EEF1D: variants seen among roughly 807,000 people sequenced by gnomAD.
EEF1D encodes elongation factor 1-delta.
EEF1D carries 47 observed loss-of-function variants against 63.9 expected under a neutral mutation model. That is an observed-to-expected ratio of 0.74 (90% confidence interval 0.58 to 0.94). EEF1D has a LOEUF of 0.94. Ranked by LOEUF, EEF1D falls within the 40% of genes least tolerant of loss-of-function variation. EEF1D has a pLI of 0.00. For synonymous variants in EEF1D, 412 were observed against 386.1 expected (o/e 1.07, Z -0.79); for missense variants, 907 against 899.0 (o/e 1.01, Z -0.11).
rs749788307 is a variant in EEF1D at position 143,581,037 on chromosome 8, G to A, written c.1488+17C>T. ...CACGTGGTCCCCTGCAGTGTCAGGC[G>A]TGGGGAGAGCATTCACCTGGGTCTG... is the stretch of plus-strand genomic sequence containing the variant. On this transcript the variant is annotated intron_variant, in intron 7 of 9. Coordinates refer to ENST00000618139, the MANE Select transcript of EEF1D (RefSeq NM_001130053.5). 105 of 1,609,570 alleles carry A rather than the reference G, an allele frequency of 6.5e-5. No individual in the cohort carries two copies. Among genetic ancestry groups the A allele is most frequent in the Admixed American group, 3.0e-4 (18 of 59,964 alleles).
chr8:143,580,867 G>C, intron 7 of EEF1D, 140 bp from the exon 8 acceptor site: 1 of 1,182,004 alleles, frequency 8.5e-7, no homozygotes, highest in Non-Finnish European at 1.2e-6. Context: ...GTACATGCAG[G>C]GCCCCAGGAA....
At chr8:143,595,406 A>G (rs192080837) in intron 1 of EEF1D, among the ~76,000 whole-genome samples, 22 of 151,900 alleles carry the variant, frequency 1.4e-4, no homozygotes, top group African/African-American at 4.8e-4. Context: ...GGGTTTCACC[A>G]TGTTGGCCAG....
chr8:143,590,094 G>C lies in EEF1D; in HGVS notation c.1-13C>G. On this transcript the variant is annotated splice_polypyrimidine_tract_variant and intron_variant, in intron 2 of 9. Coordinates refer to ENST00000618139, the MANE Select transcript of EEF1D (RefSeq NM_001130053.5). ...TCCCGCTCCTCATCTTCCGGACACA[G>C]CGATAAAAAGCAAGCAGAGGGCAGA... 1 of 1,598,284 alleles carries C rather than the reference G, an allele frequency of 6.3e-7. No homozygotes were observed. Among genetic ancestry groups the C allele is most frequent in the Non-Finnish European group, 8.5e-7 (1 of 1,179,862 alleles).
chr8:143,592,776 G>T, intron 1 of EEF1D, 116 bp from the exon 2 acceptor site: 2 of 882,358 alleles, frequency 2.3e-6, no homozygotes, highest in Non-Finnish European at 2.7e-6. Flanking sequence ...AAGCTGCTTG[G>T]CGAGGTGGTG....
At chr8:143,581,971 T>C (rs1215701446) in intron 5 of EEF1D, 1 of 152,424 alleles carries the variant, frequency 6.6e-6, no homozygotes, top group African/African-American at 2.4e-5. Flanking sequence ...CCTGCACGCA[T>C]GGGCCATTTA....
chr8:143,580,486 G>GC lies in EEF1D; in HGVS notation c.1710+19dup. ...CCAGGGCAGTGCCTGGCCCCCTGAA[G>GC]CCCCACCCCGCCCACTCACAGGCTT... On this transcript the variant is annotated intron_variant, in intron 8 of 9. Transcript: ENST00000618139. 6.2e-7 allele frequency: 1 copy of GC among 1,606,848 alleles called. No homozygotes were observed. The highest frequency in any genetic ancestry group is 8.5e-7 in the Non-Finnish European group (1 of 1,175,974).
intron 1 of EEF1D, 143 bp from the exon 2 acceptor site, chr8:143,592,803 G>T: frequency 1.6e-6 from 1 of 640,530 alleles, no homozygotes; most frequent in Non-Finnish European, 1.9e-6. Flanking sequence ...TGACACTGGT[G>T]GAGATGGAAG....
intron 1 of EEF1D, among the ~76,000 whole-genome samples, chr8:143,593,382 G>C (rs1047555957): frequency 6.6e-6 from 1 of 152,218 alleles, no homozygotes; most frequent in African/African-American, 2.4e-5. Flanking sequence ...AACCCTGCAA[G>C]CTCTGCGAAG....
chr8:143,589,027 G>A lies in EEF1D; in HGVS notation c.1055C>T (p.Pro352Leu), dbSNP rs1355987997. 3.1e-6 allele frequency: 5 copies of A among 1,601,734 alleles called. No homozygotes were observed. The highest frequency in any genetic ancestry group is 1.3e-5 in the African/African-American group (1 of 75,024). ...EAASLSHRPG[P>L]RSGLSVSSLR... is the part of the protein sequence containing the mutation. ...GCTGGACACGGACAGGCCAGACCGA[G>A]GACCGGGTCGGTGAGACAGGGAGGC... The change falls in exon 3 of 10, where the codon CCT becomes CTT. Residue 352 changes from proline (P) to leucine (L), a missense_variant. By Grantham distance (98) the Pro-to-Leu change is moderately conservative. Transcript: ENST00000618139.
intron 4 of EEF1D, 79 bp from the exon 5 acceptor site, chr8:143,586,369 C>T: frequency 5.4e-6 from 7 of 1,303,422 alleles, no homozygotes; most frequent in Non-Finnish European, 7.3e-6. Context: ...CAAAAAACCC[C>T]ATGAACCCTC....
chr8:143,592,330 C>T (rs1326850393), intron 2 of EEF1D: 8 of 964,070 alleles, frequency 8.3e-6, no homozygotes, highest in East Asian at 1.1e-4. Context: ...GGGCAGAAGC[C>T]GCCGCTCAGG....
Position 143,597,412 on chromosome 8 carries a change from G to GC in EEF1D, c.-80_-79insG, listed in dbSNP as rs1829041376. 1 of 152,074 alleles carries GC rather than the reference G, an allele frequency of 6.6e-6. No individual in the cohort carries two copies. The highest frequency in any genetic ancestry group is 1.5e-5 in the Non-Finnish European group (1 of 67,994). The allele number at this position is 152,074 out of a possible 1,614,324, so 9.4% of individuals were successfully genotyped here. ...GCGGACGCGGGAAGACTGATGAAAG[G>GC]GAGGGCCGCCCGGGCCGCGCACGGG... On this transcript the variant is annotated 5_prime_UTR_variant, in exon 1 of 10. Transcript: ENST00000618139.
intron 1 of EEF1D, among the ~76,000 whole-genome samples, chr8:143,595,030 C>T (rs568619732): frequency 2.0e-5 from 3 of 152,180 alleles, no homozygotes; most frequent in African/African-American, 7.2e-5. Flanking sequence ...CTCAGCCTCC[C>T]AAGTAGCTGG....
chr8:143,585,620 G>A (rs917272425), intron 5 of EEF1D, among the ~76,000 whole-genome samples: 4 of 152,212 alleles, frequency 2.6e-5, no homozygotes, highest in African/African-American at 4.8e-5. Context: ...AACTCCTCGG[G>A]AACACCAGGG....
intron 3 of EEF1D, among the ~76,000 whole-genome samples, chr8:143,587,915 T>G (rs1157449755): frequency 6.6e-6 from 1 of 152,084 alleles, no homozygotes; most frequent in Non-Finnish European, 1.5e-5. Context: ...CCTCTTACTG[T>G]CCAACCAAGC....
rs776243280 is a variant in EEF1D at position 143,589,677 on chromosome 8, C to T, written c.405G>A (p.Gln135=). 3.3e-6 allele frequency: 5 copies of T among 1,532,830 alleles called. No individual in the cohort carries two copies. Among genetic ancestry groups the T allele is most frequent in the Non-Finnish European group, 4.4e-6 (5 of 1,139,298 alleles). The allele number at this position is 1,532,830 out of a possible 1,614,324, so 95.0% of individuals were successfully genotyped here. Residue 135 remains glutamine (Q), a synonymous_variant, in exon 3 of 10, where the codon CAG becomes CAA. Transcript: ENST00000618139. ...YRQKLADVAA[Q]AAWPPALAPW... ...GGGCCAAGGCAGGAGGCCAGGCTGC[C>T]TGGGCAGCCACATCTGCCAGCTTCT... is the stretch of plus-strand genomic sequence containing the variant.
In EEF1D at chr8:143,581,139, T is replaced by C. The variant is rs1326795002; in HGVS notation, c.1403A>G (p.Gln468Arg). ...QSLRGVVQEL[Q>R]QAISKLEARL... ...GGCCTCCAGCTTGGAGATGGCCTGC[T>C]GCAGCTCCTGTACCACTGGGGGGGC... The change falls in exon 7 of 10, where the codon CAG becomes CGG. Residue 468 changes from glutamine to arginine, a missense_variant. Transcript: ENST00000618139. 2 of 1,612,994 alleles carry C rather than the reference T, an allele frequency of 1.2e-6. No homozygotes were observed. The highest frequency in any genetic ancestry group is 3.3e-5 in the Admixed American group (2 of 60,020).
chr8:143,592,626 T>A, intron 2 of EEF1D, 21 bp downstream of exon 2: 1 of 985,684 alleles, frequency 1.0e-6, no homozygotes. Flanking sequence ...GAATGGGGCA[T>A]GAGGACAGGC....
intron 1 of EEF1D, 159 bp from the exon 2 acceptor site, chr8:143,592,819 C>T (rs948572245): frequency 6.1e-6 from 3 of 493,310 alleles, no homozygotes; most frequent in African/African-American, 2.1e-5. Context: ...GGAAGCTGAG[C>T]GCCAGACAGA....
Sources: allele counts gnomAD v4.1 joint callset (sites outside exome capture counted in the v4.1 genomes callset), GRCh38; gene constraint gnomAD v4.1.1; transcripts MANE v1.5; gene names NCBI Gene and HGNC (gene_info 2026-07-23, HGNC 2026-07-21).